POC1B: variants seen among roughly 807,000 people sequenced by gnomAD.
POC1B encodes the protein POC1 centriolar protein B.
Under a neutral mutation model 60.6 loss-of-function variants are expected in POC1B, and 44 were observed. The ratio of observed to expected loss-of-function variants is 0.73; its 90% CI spans 0.57 to 0.93. The LOEUF is 0.93. Among genes scored for constraint, POC1B ranks in the 40% least tolerant of loss-of-function variants. The pLI is 0.00. For synonymous variants in POC1B, 180 were observed against 198.9 expected, an observed-to-expected ratio of 0.90 and a Z score of 0.80; for missense variants, 555 against 572.3, an observed-to-expected ratio of 0.97 and a Z score of 0.31.
chr12:89,433,744 G>C (rs1185705623), intron 10 of POC1B, among the ~76,000 whole-genome samples: 4 of 152,136 alleles, frequency 2.6e-5, no homozygotes, highest in African/African-American at 9.7e-5. Flanking sequence ...CAAAGGACTC[G>C]GATAGTCACA....
the POC1B span, among the ~76,000 whole-genome samples, chr12:89,404,920 C>T: frequency 6.6e-6 from 1 of 152,208 alleles, no homozygotes; most frequent in Admixed American, 6.5e-5. Context: ...CCACCGCCCC[C>T]TCTAAGTTTC....
At chr12:89,509,374 T>C (rs1031769436) in intron 2 of POC1B, among the ~76,000 whole-genome samples, 2 of 152,254 alleles carry the variant, frequency 1.3e-5, no homozygotes, top group African/African-American at 4.8e-5. Context: ...CCTTATTTTC[T>C]AGAATTACAC....
the POC1B span, among the ~76,000 whole-genome samples, chr12:89,412,662 G>A: frequency 1.8e-4 from 25 of 140,044 alleles, no homozygotes; most frequent in Non-Finnish European, 3.1e-4. Context: ...GGGCGACAGA[G>A]TAAGACTCCG....
chr12:89,411,774 G>A, the POC1B span, among the ~76,000 whole-genome samples: 2 of 152,188 alleles, frequency 1.3e-5, no homozygotes, highest in African/African-American at 2.4e-5. Flanking sequence ...TGAAAGCGGT[G>A]AAGAAGGGGG....
chr12:89,412,441 G>A, the POC1B span, among the ~76,000 whole-genome samples: 104 of 151,218 alleles, frequency 6.9e-4, no homozygotes, highest in South Asian at 8.8e-3. Flanking sequence ...CACTTTGGGA[G>A]GCCAAGTCAG....
intron 10 of POC1B, among the ~76,000 whole-genome samples, chr12:89,438,594 T>C (rs986077661): frequency 6.6e-6 from 1 of 152,252 alleles, no homozygotes; most frequent in East Asian, 1.9e-4. Flanking sequence ...AAACTATCCT[T>C]CCTTGGCTGC....
At chr12:89,438,092 C>T (rs1359038938) in intron 10 of POC1B, among the ~76,000 whole-genome samples, 1 of 151,690 alleles carries the variant, frequency 6.6e-6, no homozygotes, top group East Asian at 1.9e-4. Context: ...TAGCTTACTC[C>T]TTTTCTCACC....
Position 89,425,165 on chromosome 12 carries a change from G to A in POC1B, c.1328C>T (p.Thr443Ile), listed in dbSNP as rs775918835. Residue 443 changes from threonine to isoleucine, a missense_variant, in exon 11 of 12, where the codon ACA (threonine) becomes ATA (isoleucine). Physicochemically the swap from Thr to Ile is moderately conservative, Grantham distance 89. Transcript: ENST00000313546. Reference protein sequence around the residue: ...EHIMEQLNVLTQTVSILEQRL... With the variant: ...EHIMEQLNVLIQTVSILEQRL... ...TGCAACCTGTGTCATGCCCACCTGTGTCAAAACATTGAGTTGTTCCATAAT... is the reference window on the plus strand; with the variant it reads ...TGCAACCTGTGTCATGCCCACCTGTATCAAAACATTGAGTTGTTCCATAAT... 2.5e-6 allele frequency: 4 copies of A among 1,613,936 alleles called. No homozygotes were observed. Among genetic ancestry groups the A allele is most frequent in the Non-Finnish European group, 3.4e-6 (4 of 1,179,882 alleles).
chr12:89,472,343 C>A, intron 4 of POC1B, 68 bp from the exon 5 acceptor site: 1 of 1,023,386 alleles, frequency 9.8e-7, no homozygotes, highest in Non-Finnish European at 1.5e-6. Flanking sequence ...CACCTCTACA[C>A]CACAAATAAA....
intron 4 of POC1B, among the ~76,000 whole-genome samples, chr12:89,475,733 T>C (rs965652178): frequency 6.6e-6 from 1 of 152,086 alleles, no homozygotes; most frequent in Non-Finnish European, 1.5e-5. Context: ...ACCACCCAAC[T>C]GCCTTTAAAA....
intron 4 of POC1B, among the ~76,000 whole-genome samples, chr12:89,474,636 T>C (rs1296421715): frequency 6.6e-6 from 1 of 152,202 alleles, no homozygotes; most frequent in Non-Finnish European, 1.5e-5. Flanking sequence ...GCCAGTGTTA[T>C]CAGGTCAGTG....
At chr12:89,515,788 T>C (rs556648337) in intron 2 of POC1B, among the ~76,000 whole-genome samples, 2 of 152,306 alleles carry the variant, frequency 1.3e-5, no homozygotes, top group Non-Finnish European at 2.9e-5. Flanking sequence ...AAGACCCATG[T>C]TCTCATCCAG....
Position 89,445,588 on chromosome 12 carries a change from C to T in POC1B, c.1113+14050G>A, listed in dbSNP as rs566814240. ...GCTGAAACTGGATCCCTTCCTTACA[C>T]CTTATACAAAAATTAATTCAAGATG... On this transcript the variant is annotated intron_variant, in intron 10 of 11. Transcript: ENST00000313546. Among the ~76,000 whole-genome samples the T allele has an allele frequency of 5.3e-5, 8 of 152,274 alleles. No homozygotes were observed. The South Asian group carries it at 1.5e-3, about 28-fold the overall frequency.
At chr12:89,516,023 C>G (rs1284363226) in intron 2 of POC1B, among the ~76,000 whole-genome samples, 1 of 152,158 alleles carries the variant, frequency 6.6e-6, no homozygotes, top group Admixed American at 6.5e-5. Flanking sequence ...ACCCAACCCC[C>G]AAACAGATTG....
chr12:89,507,819 A>G (rs534512500), intron 2 of POC1B, among the ~76,000 whole-genome samples: 3 of 152,318 alleles, frequency 2.0e-5, no homozygotes, highest in Admixed American at 6.5e-5. Context: ...CCTTGAGTCA[A>G]CTCAAGCTTT....
At chr12:89,470,222 A>G (rs1049738334) in intron 7 of POC1B, 139 bp downstream of exon 7, 54 of 403,774 alleles carry the variant, frequency 1.3e-4, no homozygotes, top group Non-Finnish European at 1.8e-4. Context: ...CAGCCTTGGA[A>G]GTAAAAAAAT....
chr12:89,480,761 C>T (rs376198218), intron 4 of POC1B, among the ~76,000 whole-genome samples: 19 of 152,052 alleles, frequency 1.2e-4, no homozygotes, highest in Non-Finnish European at 2.1e-4. Context: ...CCACCTCACC[C>T]GGCTAATTTT....
intron 9 of POC1B, among the ~76,000 whole-genome samples, chr12:89,463,320 T>G (rs556380799): frequency 6.6e-6 from 1 of 152,374 alleles, no homozygotes; most frequent in East Asian, 1.9e-4. Flanking sequence ...ATAACTATTT[T>G]GATGCTTTAC....
intron 4 of POC1B, among the ~76,000 whole-genome samples, chr12:89,478,221 T>C (rs1489362566): frequency 6.6e-6 from 1 of 152,222 alleles, no homozygotes; most frequent in Non-Finnish European, 1.5e-5. Context: ...GCGATTCTCA[T>C]GCCTCAGCTA....
Sources: gnomAD v4.1 joint callset for allele counts (sites outside exome capture counted in the v4.1 genomes callset) on GRCh38, gnomAD v4.1.1 for gene constraint, MANE v1.5 for transcripts, NCBI Gene and HGNC (gene_info 2026-07-23, HGNC 2026-07-21) for gene names.